GNA14: variants seen among roughly 807,000 people sequenced by gnomAD.
The protein encoded by GNA14 is G protein subunit alpha 14, also known as guanine nucleotide-binding protein subunit alpha-14.
GNA14 carries 50 observed loss-of-function variants against 42.0 expected under a neutral mutation model. The ratio of observed to expected loss-of-function variants is 1.19; its 90% CI spans 0.95 to 1.51. The LOEUF (loss-of-function observed/expected upper bound fraction) is 1.51, where lower values mean the gene tolerates loss of function less well. Ranked by LOEUF, GNA14 falls within the 40% of genes most tolerant of loss-of-function variation. The probability of loss-of-function intolerance (pLI) is 0.00; values close to 1 mark genes in which losing one functional copy is unlikely to be tolerated. For synonymous variants in GNA14, 173 were observed against 163.1 expected (o/e 1.06, Z -0.46); for missense variants, 473 against 446.2 (o/e 1.06, Z -0.54).
chr9:77,526,191 C>T (rs1013173113), intron 2 of GNA14, among the ~76,000 whole-genome samples: 1 of 151,570 alleles, frequency 6.6e-6, no homozygotes, highest in East Asian at 1.9e-4. Context: ...GGGTTACAGG[C>T]ACAACCCACT....
chr9:77,628,852 C>T (rs1053345477), intron 1 of GNA14, among the ~76,000 whole-genome samples: 1 of 152,016 alleles, frequency 6.6e-6, no homozygotes, highest in African/African-American at 2.4e-5. Flanking sequence ...ACTAAAGCAC[C>T]AAAAGCAATG....
intron 2 of GNA14, among the ~76,000 whole-genome samples, chr9:77,499,266 T>A (rs1353770790): frequency 6.6e-6 from 1 of 152,174 alleles, no homozygotes; most frequent in East Asian, 1.9e-4. Context: ...TTCCTGATTA[T>A]GAAAGTTCAC....
At chr9:77,635,855 C>T (rs2118018771) in intron 1 of GNA14, among the ~76,000 whole-genome samples, 1 of 152,260 alleles carries the variant, frequency 6.6e-6, no homozygotes, top group Admixed American at 6.5e-5. Flanking sequence ...CTCCTCTGGA[C>T]CTTTGCCACC....
intron 1 of GNA14, among the ~76,000 whole-genome samples, chr9:77,632,529 C>A (rs765682753): frequency 6.6e-6 from 1 of 152,192 alleles, no homozygotes; most frequent in African/African-American, 2.4e-5. Context: ...TTGCTTGCCA[C>A]ATTGTGGACA....
chr9:77,453,828 G>A (rs1399713013), intron 2 of GNA14, among the ~76,000 whole-genome samples: 1 of 152,176 alleles, frequency 6.6e-6, no homozygotes, highest in African/African-American at 2.4e-5. Flanking sequence ...GTTTTATTAT[G>A]AGTTTCCAAA....
chr9:77,460,275 G>A lies in GNA14; in HGVS notation c.310-25753C>T, dbSNP rs552543829. On this transcript the variant is annotated intron_variant, in intron 2 of 6. Coordinates refer to ENST00000341700, the MANE Select transcript of GNA14 (RefSeq NM_004297.4). ...AGAGGACAGAGGGAGACACAGGGCA[G>A]AGGCCGACGTGAGGATGGAAGCTGA... Among the ~76,000 whole-genome samples, 11 of 152,346 alleles carry A rather than the reference G, an allele frequency of 7.2e-5. No homozygotes were observed. In the South Asian group the frequency reaches 1.7e-3, roughly 23 times the overall value.
chr9:77,571,177 T>A (rs1389922089), intron 1 of GNA14, among the ~76,000 whole-genome samples: 1 of 152,164 alleles, frequency 6.6e-6, no homozygotes, highest in Non-Finnish European at 1.5e-5. Context: ...ATGCTATTGT[T>A]CAAAGATGAG....
intron 2 of GNA14, among the ~76,000 whole-genome samples, chr9:77,496,220 T>C (rs1198586263): frequency 6.6e-6 from 1 of 152,212 alleles, no homozygotes. Flanking sequence ...GAAACAATTG[T>C]CTTTTAGGAA....
At chr9:77,430,805 G>GT (rs1835537093) in intron 4 of GNA14, among the ~76,000 whole-genome samples, 1 of 152,118 alleles carries the variant, frequency 6.6e-6, no homozygotes, top group African/African-American at 2.4e-5. Flanking sequence ...CATCCTAAAA[G>GT]TATTTCCTAT....
chr9:77,630,109 TTTG>T (rs1364392670), intron 1 of GNA14, among the ~76,000 whole-genome samples: 3 of 129,808 alleles, frequency 2.3e-5, no homozygotes, highest in Non-Finnish European at 4.6e-5. Flanking sequence ...GGGTTTGTTT[TTTG>T]TTTTTTTTTT....
intron 1 of GNA14, among the ~76,000 whole-genome samples, chr9:77,550,725 A>C (rs1158503735): frequency 6.6e-6 from 1 of 152,244 alleles, no homozygotes; most frequent in African/African-American, 2.4e-5. Flanking sequence ...TTACACATGG[A>C]AGTTCAAAGA....
intron 1 of GNA14, among the ~76,000 whole-genome samples, chr9:77,594,455 C>T (rs1055965508): frequency 2.6e-5 from 4 of 152,176 alleles, no homozygotes; most frequent in African/African-American, 9.7e-5. Flanking sequence ...CTAAATAGAA[C>T]AAGCACCAAA....
At chr9:77,647,593 C>A in intron 1 of GNA14, 77 bp downstream of exon 1, 4 of 1,497,916 alleles carry the variant, frequency 2.7e-6, no homozygotes, top group Non-Finnish European at 3.6e-6. Context: ...CAGGGCCGCG[C>A]GGGTGCCAGT....
At chr9:77,502,923 G>A (rs1302851283) in intron 2 of GNA14, among the ~76,000 whole-genome samples, 1 of 152,112 alleles carries the variant, frequency 6.6e-6, no homozygotes, top group Admixed American at 6.5e-5. Flanking sequence ...CAGGGAGCAG[G>A]CCTTTGTTGG....
chr9:77,463,353 G>A (rs1472353527), intron 2 of GNA14, among the ~76,000 whole-genome samples: 1 of 152,052 alleles, frequency 6.6e-6, no homozygotes, highest in Admixed American at 6.6e-5. Flanking sequence ...AAGAACCAGA[G>A]CTGCTCATAA....
At chr9:77,425,495 C>A (rs1587751793) in intron 6 of GNA14, 67 bp downstream of exon 6, 1 of 1,277,984 alleles carries the variant, frequency 7.8e-7, no homozygotes, top group African/African-American at 1.5e-5. Flanking sequence ...CGTGATAACT[C>A]TAGACTGATG....
At chr9:77,454,726 T>C (rs1423387427) in intron 2 of GNA14, among the ~76,000 whole-genome samples, 3 of 151,986 alleles carry the variant, frequency 2.0e-5, no homozygotes, top group Non-Finnish European at 2.9e-5. Flanking sequence ...AGTCAGTTTA[T>C]TTCTGTTGCT....
At chr9:77,607,357 A>G (rs189519138) in intron 1 of GNA14, among the ~76,000 whole-genome samples, 5 of 152,340 alleles carry the variant, frequency 3.3e-5, no homozygotes, top group African/African-American at 9.6e-5. Flanking sequence ...AGAAGCCACC[A>G]TAAGTCAGTA....
At chr9:77,513,559 A>G (rs1378809458) in intron 2 of GNA14, among the ~76,000 whole-genome samples, 2 of 152,222 alleles carry the variant, frequency 1.3e-5, no homozygotes, top group African/African-American at 4.8e-5. Flanking sequence ...GTACTGGAAG[A>G]GACAACTGTG....
Sources: allele counts gnomAD v4.1 joint callset (sites outside exome capture counted in the v4.1 genomes callset), GRCh38; gene constraint gnomAD v4.1.1; transcripts MANE v1.5; gene names NCBI Gene and HGNC (gene_info 2026-07-23, HGNC 2026-07-21).